PLCG2: variants seen among roughly 807,000 people sequenced by gnomAD.
PLCG2 encodes the protein phospholipase C gamma 2.
In PLCG2, 69 loss-of-function variants were observed where a neutral mutation model predicts 175.6. The ratio of observed to expected loss-of-function variants is 0.39; its 90% CI spans 0.32 to 0.48. The LOEUF is 0.48. Ranked by LOEUF, PLCG2 falls within the 20% of genes least tolerant of loss-of-function variation. The probability of loss-of-function intolerance (pLI) is 0.91; values close to 1 mark genes in which losing one functional copy is unlikely to be tolerated. For synonymous variants in PLCG2, 827 were observed against 624.0 expected (o/e 1.33, Z -4.85); for missense variants, 1,798 against 1,650.9 (o/e 1.09, Z -1.54).
At chr16:81,905,361 G>C (rs774554425) in intron 14 of PLCG2, 42 bp from the exon 15 acceptor site, 5 of 1,401,378 alleles carry the variant, frequency 3.6e-6, no homozygotes, top group Non-Finnish European at 5.0e-6. Flanking sequence ...GCCTAAACTT[G>C]GGTCTCCATG....
chr16:81,895,999 G>A (rs905072348), intron 13 of PLCG2, 72 bp downstream of exon 13: 18 of 1,579,274 alleles, frequency 1.1e-5, no homozygotes, highest in Non-Finnish European at 1.1e-5. Flanking sequence ...CAGATGGACA[G>A]ACAGGCAAAC....
chr16:81,778,063 ACC>A (rs1240068787), upstream of PLCG2, among the ~76,000 whole-genome samples: 31,079 of 103,578 alleles, frequency 0.3, 7,230 homozygotes, highest in African/African-American at 0.45. Context: ...AACAAAAAAA[ACC>A]AAAAACACAC....
chr16:81,957,826 C>G (rs1911636613), intron 32 of PLCG2, 130 bp from the exon 33 acceptor site: 1 of 757,074 alleles, frequency 1.3e-6, no homozygotes, highest in Non-Finnish European at 2.3e-6. Flanking sequence ...GTCTGCCTCT[C>G]TGACACTCAG....
intron 2 of PLCG2, among the ~76,000 whole-genome samples, chr16:81,764,699 T>C (rs773280198): frequency 1.3e-5 from 2 of 152,230 alleles, no homozygotes; most frequent in East Asian, 3.8e-4. Flanking sequence ...CCCAAATTTA[T>C]GTCCAGCTGG....
chr16:81,771,622 T>C (rs1455998423), intron 2 of PLCG2, among the ~76,000 whole-genome samples: 1 of 152,096 alleles, frequency 6.6e-6, no homozygotes, highest in Non-Finnish European at 1.5e-5. Flanking sequence ...GAGAGGTAAA[T>C]AGGTCTAATC....
At chr16:81,845,363 T>A (rs1472766511) in intron 2 of PLCG2, among the ~76,000 whole-genome samples, 1 of 152,240 alleles carries the variant, frequency 6.6e-6, no homozygotes. Context: ...CTATTTTAAT[T>A]GACAAACACA....
intron 2 of PLCG2, among the ~76,000 whole-genome samples, chr16:81,812,378 A>G (rs1227437011): frequency 1.3e-5 from 2 of 152,290 alleles, no homozygotes; most frequent in East Asian, 3.9e-4. Flanking sequence ...AATGATCGTC[A>G]TTCTAACTGG....
At chr16:81,824,630 C>T (rs1904965875) in intron 2 of PLCG2, among the ~76,000 whole-genome samples, 1 of 152,164 alleles carries the variant, frequency 6.6e-6, no homozygotes, top group African/African-American at 2.4e-5. Context: ...AGAGACTGGG[C>T]ATTCAGATTC....
rs1219611233 is a variant in PLCG2 at position 81,940,066 on chromosome 16, G to A, written c.3481+7G>A. ...ATTAAAGCAGTCAAATCAGGTAAGAGGCATTTTAATTAAGATGTTCGATTT... is the reference window on the plus strand; with the variant it reads ...ATTAAAGCAGTCAAATCAGGTAAGAAGCATTTTAATTAAGATGTTCGATTT... On this transcript the variant is annotated splice_region_variant and intron_variant, in intron 30 of 32. Transcript: ENST00000564138. 3.8e-6 allele frequency: 6 copies of A among 1,596,768 alleles called. No homozygotes were observed. The Admixed American group carries it at 5.0e-5, about 13-fold the overall frequency.
At chr16:81,829,156 TGGAGTG>T (rs1460152304) in intron 2 of PLCG2, among the ~76,000 whole-genome samples, 2 of 152,212 alleles carry the variant, frequency 1.3e-5, no homozygotes, top group African/African-American at 2.4e-5. Context: ...TCACCCAGGC[TGGAGTG>T]CAGTGGCACG....
intron 2 of PLCG2, among the ~76,000 whole-genome samples, chr16:81,831,314 T>C (rs1324328276): frequency 6.6e-6 from 1 of 152,160 alleles, no homozygotes; most frequent in Non-Finnish European, 1.5e-5. Flanking sequence ...CACGCTGGCT[T>C]TTACCTACTC....
In PLCG2 at chr16:81,960,049, G is replaced by C. The variant is rs919919614; in HGVS notation, c.*2051G>C. ...TGTAAAATCCATGCGTGGCCAAAGA[G>C]AAGTCAGGGGATTATGACATAAATG... is the stretch of plus-strand genomic sequence containing the variant. On this transcript the variant is annotated 3_prime_UTR_variant, in exon 33 of 33. Coordinates refer to ENST00000564138, the MANE Select transcript of PLCG2 (RefSeq NM_002661.5). 1.4e-5 allele frequency: 3 copies of C among 218,238 alleles called. No individual in the cohort carries two copies. The highest frequency in any genetic ancestry group is 2.8e-5 in the Non-Finnish European group (3 of 108,642). 13.5% of individuals were successfully genotyped at this position (218,238 alleles called of 1,614,324 possible). A position where few individuals can be genotyped will look rare whatever the true frequency, so the allele number is the denominator to read the frequency against.
At chr16:81,784,092 C>T (rs917534764) in intron 1 of PLCG2, among the ~76,000 whole-genome samples, 11 of 152,278 alleles carry the variant, frequency 7.2e-5, no homozygotes, top group African/African-American at 2.6e-4. Flanking sequence ...GTTGATTAGT[C>T]TGTTTCCCCA....
intron 23 of PLCG2, 87 bp from the exon 24 acceptor site, chr16:81,928,471 C>A (rs138250202): frequency 5.8e-4 from 486 of 836,568 alleles, no homozygotes; most frequent in Non-Finnish European, 9.1e-4. Context: ...CAGGCAGTAT[C>A]TCTGCTAAAC....
At chr16:81,921,953 T>A (rs1910078796) in intron 21 of PLCG2, among the ~76,000 whole-genome samples, 1 of 152,232 alleles carries the variant, frequency 6.6e-6, no homozygotes, top group Non-Finnish European at 1.5e-5. Context: ...CAAATTGAGC[T>A]GTGTGTGAAA....
intron 2 of PLCG2, among the ~76,000 whole-genome samples, chr16:81,837,466 C>T (rs917765877): frequency 6.6e-6 from 1 of 152,186 alleles, no homozygotes; most frequent in African/African-American, 2.4e-5. Context: ...TAGGACGGGT[C>T]CTGGCAGAAG....
chr16:81,799,926 T>TA (rs1911648151), intron 2 of PLCG2, among the ~76,000 whole-genome samples: 2 of 152,182 alleles, frequency 1.3e-5, no homozygotes, highest in African/African-American at 4.8e-5. Context: ...GATGTTGGTT[T>TA]AAAAAATAAT....
At chr16:81,764,635 G>A (rs1402125724) in intron 2 of PLCG2, among the ~76,000 whole-genome samples, 4 of 152,198 alleles carry the variant, frequency 2.6e-5, no homozygotes, top group Admixed American at 1.3e-4. Flanking sequence ...ACTTTGGCAA[G>A]CCTAATTTTC....
chr16:81,770,404 A>G (rs1176968006), intron 2 of PLCG2, among the ~76,000 whole-genome samples: 1 of 152,234 alleles, frequency 6.6e-6, no homozygotes, highest in African/African-American at 2.4e-5. Flanking sequence ...AACATATTGA[A>G]CAGCCTTTAA....
Sources: gnomAD v4.1 joint callset for allele counts (sites outside exome capture counted in the v4.1 genomes callset) on GRCh38, gnomAD v4.1.1 for gene constraint, MANE v1.5 for transcripts, NCBI Gene and HGNC (gene_info 2026-07-23, HGNC 2026-07-21) for gene names.